The following ARX variants were observed in gnomAD, a reference collection of about 807,000 sequenced individuals.
ARX encodes homeobox protein ARX.
A neutral mutation model predicts 23.1 loss-of-function variants in ARX; 1 was observed. That is an observed-to-expected ratio of 0.04 (90% CI 0.02 to 0.21). The LOEUF (loss-of-function observed/expected upper bound fraction) is 0.21. Among genes scored for constraint, ARX ranks in the 10% least tolerant of loss-of-function variants. The pLI is 1.00. For synonymous variants in ARX, 301 were observed against 270.1 expected (o/e 1.11, Z -1.12); for missense variants, 380 against 527.5 (o/e 0.72, Z 2.74).
rs941120701 is a variant in ARX at position 25,005,028 on chromosome X, G to A, written c.1449-118C>T. 3.3e-5 allele frequency: 32 copies of A among 968,836 alleles called. No homozygotes were observed. The African/African-American group carries it at 6.4e-4, about 19-fold the overall frequency. The allele number at this position is 968,836 out of a possible 1,213,427, so 79.8% of individuals were successfully genotyped here. A position where few individuals can be genotyped will look rare whatever the true frequency, so the allele number is the denominator to read the frequency against. ...AGGGGCGCGGTACCCACGGGACCCG[G>A]ATGGGCCGCGGCGGGGAAGTGGGCA... On this transcript the variant is annotated intron_variant, in intron 4 of 4. Coordinates refer to ENST00000379044, the MANE Select transcript of ARX (RefSeq NM_139058.3).
rs2048712757 is a variant in ARX at position 25,013,590 on chromosome X, G to C, written c.405C>G (p.Pro135=). The C allele has an allele frequency of 1.2e-5, 9 of 750,463 alleles. No homozygotes were observed. The highest frequency in any genetic ancestry group is 1.4e-5 in the Non-Finnish European group (9 of 639,262). The allele number at this position is 750,463 out of a possible 1,213,427, so 61.8% of individuals were successfully genotyped here. A position where few individuals can be genotyped will look rare whatever the true frequency, so the allele number is the denominator to read the frequency against. The part of the protein sequence containing the change: ...APPPPPPTAR[P]GERPDGAGAA... ...CCCCTGCGCCGTCCGGCCGTTCCCC[G>C]GGCCGCGCGGTTGGCGGTGGCGGCG... The change falls in exon 2 of 5, where the codon CCC becomes CCG. Residue 135 remains proline (P), a synonymous_variant. Coordinates refer to ENST00000379044, the MANE Select transcript of ARX (RefSeq NM_139058.3).
chrX:25,013,272 C>T lies in ARX; in HGVS notation c.723G>A (p.Glu241=). ...LEDEEDEDEE[E]ELLEDDEEEL... ...CCTCCTCGTCGTCCTCCAGCAGTTCCTCTTCCTCGTCCTCATCTTCTTCGT... is the reference window on the plus strand; with the variant it reads ...CCTCCTCGTCGTCCTCCAGCAGTTCTTCTTCCTCGTCCTCATCTTCTTCGT... Residue 241 remains glutamate, a synonymous_variant, in exon 2 of 5, where the codon GAG becomes GAA. Transcript: ENST00000379044. The T allele has an allele frequency of 1.7e-6, 2 of 1,155,008 alleles. No individual in the cohort carries two copies. Among genetic ancestry groups the T allele is most frequent in the Non-Finnish European group, 2.3e-6 (2 of 870,076 alleles).
chrX:25,013,101 G>A lies in ARX; in HGVS notation c.894C>T (p.His298=). Residue 298 remains histidine, a synonymous_variant, in exon 2 of 5, where the codon CAC becomes CAT. Coordinates refer to ENST00000379044, the MANE Select transcript of ARX (RefSeq NM_139058.3). The stretch of plus-strand genomic sequence containing the variant: ...CGTCCTTGCCCTCAGCGTCTTCCGG[G>A]TGCAGCAGCAGCTCCTCCTTGGGTG... ...ELSPKEELLL[H]PEDAEGKDGE... The A allele has an allele frequency of 8.3e-7, 1 of 1,203,033 alleles. No homozygotes were observed. The highest frequency in any genetic ancestry group is 1.1e-6 in the Non-Finnish European group (1 of 891,512).
chrX:25,005,153 G>C (rs896746946), intron 4 of ARX, among the ~76,000 whole-genome samples: 1 of 112,248 alleles, frequency 8.9e-6, no homozygotes, highest in Non-Finnish European at 1.9e-5. Context: ...CCGAGGGGCC[G>C]GGCCGGGCCG....
intron 4 of ARX, chrX:25,006,000 C>G (rs2048676307): frequency 8.9e-6 from 1 of 112,027 alleles, no homozygotes; most frequent in Admixed American, 9.4e-5. Flanking sequence ...CTCCTTCTCC[C>G]AAGCCCACTG....
rs146224124 is a variant in ARX at position 25,013,091 on chromosome X, C to G, written c.904G>C (p.Ala302Pro). 1 of 1,202,649 alleles carries G rather than the reference C, an allele frequency of 8.3e-7. No homozygotes were observed. Residue 302 changes from alanine (A) to proline (P), a missense_variant, in exon 2 of 5, where the codon GCT becomes CCT. Physicochemically the swap from Ala to Pro is conservative, Grantham distance 27 (BLOSUM62 -1). This residue lies in a region of ARX where 24 missense variants were observed against 87.7 expected (regional missense o/e 0.27). Transcript: ENST00000379044. ...KEELLLHPEDAEGKDGEDSVC... is the reference protein window; with the variant it reads ...KEELLLHPEDPEGKDGEDSVC... ...CTGTCCTCGCCGTCCTTGCCCTCAG[C>G]GTCTTCCGGGTGCAGCAGCAGCTCC...
At position 25,015,751 on chromosome X, in the gene ARX, TC is replaced by T. The variant is rs1346017687; in HGVS notation, c.-15del. 5.1e-6 allele frequency: 6 copies of T among 1,186,571 alleles called. No individual in the cohort carries two copies. Among genetic ancestry groups the T allele is most frequent in the Non-Finnish European group, 6.8e-6 (6 of 880,809 alleles). ...CTGATTGCTCATGGCTGGGGCTTTT[TC>T]CCAGGGCGCAGAGAGCGGATCGCCG... On this transcript the variant is annotated 5_prime_UTR_variant, in exon 1 of 5. Coordinates refer to ENST00000379044, the MANE Select transcript of ARX (RefSeq NM_139058.3).
intron 1 of ARX, among the ~76,000 whole-genome samples, chrX:25,015,022 C>G (rs2048720821): frequency 1.8e-5 from 2 of 112,334 alleles, no homozygotes; most frequent in Admixed American, 1.9e-4. Context: ...TTTGGAGAAT[C>G]CCAGGAAGAT....
intron 4 of ARX, among the ~76,000 whole-genome samples, chrX:25,005,405 T>G (rs955492896): frequency 1.8e-5 from 2 of 111,980 alleles, no homozygotes; most frequent in African/African-American, 6.5e-5. Flanking sequence ...CGCCGCAGGC[T>G]CTGAGATCTC....
Position 25,004,577 on chromosome X carries a change from T to C in ARX, c.*93A>G. On this transcript the variant is annotated 3_prime_UTR_variant, in exon 5 of 5. Transcript: ENST00000379044. ...CGCTCTCTCAGTGCCGTCTCGGGAG[T>C]GTGCTGGTCCTCTGTTTCCATTTGG... 8.8e-7 allele frequency: 1 copy of C among 1,139,261 alleles called. No homozygotes were observed. Among genetic ancestry groups the C allele is most frequent in the Non-Finnish European group, 1.2e-6 (1 of 857,880 alleles). The allele number at this position is 1,139,261 out of a possible 1,213,427, so 93.9% of individuals were successfully genotyped here.
In ARX at chrX:25,004,997, C is replaced by A. The variant is rs747110844; in HGVS notation, c.1449-87G>T. 5 of 1,038,768 alleles carry A rather than the reference C, an allele frequency of 4.8e-6. No homozygotes were observed. In the African/African-American group the frequency reaches 6.0e-5, roughly 12 times the overall value. 85.6% of individuals were successfully genotyped at this position (1,038,768 alleles called of 1,213,427 possible). ...CGTCTCCCGCCGCTTGTCGCCGGGGCAGCTGAGGGGCGCGGTACCCACGGG... is the reference window on the plus strand; with the variant it reads ...CGTCTCCCGCCGCTTGTCGCCGGGGAAGCTGAGGGGCGCGGTACCCACGGG... On this transcript the variant is annotated intron_variant, in intron 4 of 4. Transcript: ENST00000379044.
chrX:25,005,051 G>A (rs2048671871), intron 4 of ARX, 141 bp from the exon 5 acceptor site: 2 of 874,581 alleles, frequency 2.3e-6, no homozygotes, highest in African/African-American at 2.2e-5. Flanking sequence ...GGGGAAGTGG[G>A]CAGAGGGCGC....
Position 25,013,521 on chromosome X carries a change from C to T in ARX, c.474G>A (p.Thr158=). ...CCTGCGGCGCCTGGCTGATCTTGAG[C>T]GTGTCCCAGGCCGCGGCGGCCGCGG... ...AAAAAAAAWD[T]LKISQAPQVS... Residue 158 remains threonine, a synonymous_variant, in exon 2 of 5, where the codon ACG becomes ACA. Transcript: ENST00000379044. The T allele has an allele frequency of 1.2e-6, 1 of 825,131 alleles. No individual in the cohort carries two copies. The highest frequency in any genetic ancestry group is 4.9e-5 in the South Asian group (1 of 20,316). The allele number at this position is 825,131 out of a possible 1,213,427, so 68.0% of individuals were successfully genotyped here. A position where few individuals can be genotyped will look rare whatever the true frequency, so the allele number is the denominator to read the frequency against.
chrX:25,015,131 G>A (rs1045100854), intron 1 of ARX, among the ~76,000 whole-genome samples: 3 of 111,888 alleles, frequency 2.7e-5, no homozygotes, highest in African/African-American at 9.8e-5. Flanking sequence ...AAAGAGGAAA[G>A]GCCAAGGCTC....
At chrX:25,007,005 G>C in intron 4 of ARX, 106 bp downstream of exon 4, 1 of 968,935 alleles carries the variant, frequency 1.0e-6, no homozygotes, top group Non-Finnish European at 1.4e-6. Flanking sequence ...TTGGGTCAAA[G>C]AAAAAGATGT....
rs1426316431 is a variant in ARX, at chrX:25,004,522, C to A, written c.*148G>T. The stretch of plus-strand genomic sequence containing the variant: ...TCCCGGAGCGCCGAGGGCTGCCATG[C>A]CCGCATCCAGACTGCTGTGAAGGCG... On this transcript the variant is annotated 3_prime_UTR_variant, in exon 5 of 5. Coordinates refer to ENST00000379044, the MANE Select transcript of ARX (RefSeq NM_139058.3). 2.9e-6 allele frequency: 3 copies of A among 1,023,829 alleles called. No homozygotes were observed. The highest frequency in any genetic ancestry group is 3.9e-6 in the Non-Finnish European group (3 of 763,386). 84.4% of individuals were successfully genotyped at this position (1,023,829 alleles called of 1,213,427 possible).
At chrX:25,012,019 G>A (rs1361816383) in intron 2 of ARX, among the ~76,000 whole-genome samples, 2 of 112,501 alleles carry the variant, frequency 1.8e-5, no homozygotes, top group South Asian at 3.7e-4. Flanking sequence ...TGGTGAATAA[G>A]CTGGGGCCGA....
chrX:25,009,629 G>A (rs772599928), intron 3 of ARX, among the ~76,000 whole-genome samples: 33 of 111,673 alleles, frequency 3.0e-4, no homozygotes, highest in East Asian at 2.8e-4. Context: ...GCCTGGGTTC[G>A]GAAATGCACT....
chrX:25,010,407 C>A, intron 2 of ARX, 102 bp from the exon 3 acceptor site: 1 of 971,565 alleles, frequency 1.0e-6, no homozygotes. Context: ...CAGGGTCTCC[C>A]CTGGCTGCCT....
Sources: gnomAD v4.1 joint callset for allele counts (sites outside exome capture counted in the v4.1 genomes callset) on GRCh38, gnomAD v4.1.1 for gene constraint, gnomAD v4.1.1 regional missense constraint, MANE v1.5 for transcripts, NCBI Gene and HGNC (gene_info 2026-07-23, HGNC 2026-07-21) for gene names.